SORBS2: variants seen among roughly 807,000 people sequenced by gnomAD.
SORBS2 encodes the protein sorbin and SH3 domain containing 2, also known as sorbin and SH3 domain-containing protein 2.
In SORBS2, 46 loss-of-function variants were observed where a neutral mutation model predicts 97.7. That is an observed-to-expected ratio of 0.47 (90% CI 0.37 to 0.60). The LOEUF (loss-of-function observed/expected upper bound fraction) is 0.60, where lower values mean the gene tolerates loss of function less well. Ranked by LOEUF, SORBS2 falls within the 20% of genes least tolerant of loss-of-function variation. The pLI is 0.00. For missense variants in SORBS2, 1,316 were observed against 1,282.3 expected (o/e 1.03, Z -0.40); for synonymous variants, 476 against 473.4 (o/e 1.01, Z -0.07).
chr4:185,745,825 T>G lies in SORBS2; in HGVS notation c.-198+29402A>C, dbSNP rs186042401. 1.5e-3 allele frequency among the ~76,000 whole-genome samples: 234 copies of G among 152,328 alleles called. 1 individual carries two copies. Among genetic ancestry groups the G allele is most frequent in the Non-Finnish European group, 2.6e-3 (178 of 68,036 alleles). ...TGGGGAGGAAAGCCTGTGTGACTGA[T>G]CGCTGCAGTGACTGCTCTTGGCCAT... is the stretch of plus-strand genomic sequence containing the variant. On this transcript the variant is annotated intron_variant, in intron 2 of 20. Coordinates refer to the SORBS2 transcript ENST00000284776.
intron 1 of SORBS2, among the ~76,000 whole-genome samples, chr4:185,840,887 G>A (rs1020311565): frequency 6.6e-6 from 1 of 152,102 alleles, no homozygotes. Context: ...TCACCAAGGA[G>A]AGATGCTCCA....
intron 1 of SORBS2, among the ~76,000 whole-genome samples, chr4:185,899,458 G>T (rs62335059): frequency 0.12 from 18,639 of 151,970 alleles, 1,485 homozygotes; most frequent in Non-Finnish European, 0.18. Flanking sequence ...AAGAGACAGG[G>T]TCTCACTCTT....
intron 4 of SORBS2, among the ~76,000 whole-genome samples, chr4:185,632,729 G>A (rs1391504328): frequency 2.6e-5 from 4 of 152,146 alleles, no homozygotes; most frequent in African/African-American, 4.8e-5. Context: ...AACTTATAAT[G>A]AGCCTAAACA....
At chr4:185,816,945 G>T (rs2153669500) in intron 1 of SORBS2, among the ~76,000 whole-genome samples, 1 of 152,292 alleles carries the variant, frequency 6.6e-6, no homozygotes, top group East Asian at 1.9e-4. Context: ...GAACCCCCTA[G>T]AAATTCTGTA....
At chr4:185,720,923 GCT>G (rs1329322963) in intron 2 of SORBS2, among the ~76,000 whole-genome samples, 10 of 151,956 alleles carry the variant, frequency 6.6e-5, no homozygotes, top group Non-Finnish European at 1.2e-4. Flanking sequence ...TAGGCCCATC[GCT>G]CTGTCTCCCT....
chr4:185,810,494 T>G (rs2099175503), intron 1 of SORBS2, among the ~76,000 whole-genome samples: 1 of 152,230 alleles, frequency 6.6e-6, no homozygotes, highest in South Asian at 2.1e-4. Context: ...TTCCATCTTT[T>G]GTAGATAGGG....
At chr4:185,829,504 AAG>A (rs1376011609) in intron 1 of SORBS2, among the ~76,000 whole-genome samples, 5 of 152,210 alleles carry the variant, frequency 3.3e-5, no homozygotes, top group African/African-American at 4.8e-5. Flanking sequence ...GAAAGTAGAA[AAG>A]AGAGAAAGAA....
intron 4 of SORBS2, among the ~76,000 whole-genome samples, chr4:185,668,478 A>C: frequency 6.6e-6 from 1 of 152,228 alleles, no homozygotes; most frequent in East Asian, 1.9e-4. Flanking sequence ...ATCACACTTA[A>C]ATTTCTACAG....
At chr4:185,741,158 T>A (rs1415025415) in intron 2 of SORBS2, among the ~76,000 whole-genome samples, 1 of 152,012 alleles carries the variant, frequency 6.6e-6, no homozygotes, top group Non-Finnish European at 1.5e-5. Flanking sequence ...TAAATATGAC[T>A]CTGTCTATGA....
At chr4:185,688,276 G>A (rs1236243005) in intron 2 of SORBS2, among the ~76,000 whole-genome samples, 2 of 151,980 alleles carry the variant, frequency 1.3e-5, no homozygotes. Context: ...TTAAAAGAAT[G>A]CTTTTTAGCC....
intron 1 of SORBS2, among the ~76,000 whole-genome samples, chr4:185,941,048 C>T (rs1467138413): frequency 1.3e-5 from 2 of 152,150 alleles, no homozygotes; most frequent in Non-Finnish European, 2.9e-5. Context: ...CCACAAATGT[C>T]AGTAGGATTA....
At chr4:185,643,017 A>G (rs988304154) in intron 4 of SORBS2, among the ~76,000 whole-genome samples, 2 of 152,270 alleles carry the variant, frequency 1.3e-5, no homozygotes, top group African/African-American at 4.8e-5. Flanking sequence ...ACGAATGCAT[A>G]TTCACTGAAC....
chr4:185,661,045 C>G (rs1197481703), upstream of SORBS2, among the ~76,000 whole-genome samples: 1 of 152,052 alleles, frequency 6.6e-6, no homozygotes, highest in Non-Finnish European at 1.5e-5. Flanking sequence ...GAGGTCGAGG[C>G]AGGTGGATCA....
chr4:185,888,327 G>C (rs911880026), intron 1 of SORBS2, among the ~76,000 whole-genome samples: 19 of 152,100 alleles, frequency 1.2e-4, no homozygotes, highest in Non-Finnish European at 2.1e-4. Context: ...GAGGGGTGGT[G>C]GGGGGTTGGA....
In SORBS2 at chr4:185,623,729, G is replaced by T; in HGVS notation, c.1400C>A (p.Pro467His). The change falls in exon 7 of 15, where the codon CCC (proline) becomes CAC (histidine). Residue 467 changes from proline to histidine, a missense_variant. Physicochemically the swap from Pro to His is moderately conservative, Grantham distance 77 (BLOSUM62 -2). Coordinates refer to ENST00000418609, the Ensembl canonical transcript of SORBS2. The surrounding 1 kb of genome is among the most constrained non-coding windows in gnomAD (Gnocchi z 6.4). ...GCAGCCTCGCCGGCCCCGAGCGGGG[G>T]GGCCGCTTTGATTTTCTTCCTCCAG... The T allele has an allele frequency of 6.2e-7, 1 of 1,614,050 alleles. No individual in the cohort carries two copies. Among genetic ancestry groups the T allele is most frequent in the Non-Finnish European group, 8.5e-7 (1 of 1,180,030 alleles).
exon 3 of SORBS2, chr4:185,649,656 C>T: frequency 7.3e-7 from 1 of 1,372,972 alleles, no homozygotes; most frequent in Non-Finnish European, 9.5e-7. Context: ...GTTGTACAGA[C>T]CTATCATGAC....
At chr4:185,691,177 G>A (rs1197406345) in intron 2 of SORBS2, among the ~76,000 whole-genome samples, 3 of 152,122 alleles carry the variant, frequency 2.0e-5, no homozygotes, top group Non-Finnish European at 2.9e-5. Context: ...TGGGATTACA[G>A]GCGTGAGCCA....
chr4:185,809,482 A>AAAAAAC (rs1561170208), intron 1 of SORBS2, among the ~76,000 whole-genome samples: 11 of 148,004 alleles, frequency 7.4e-5, no homozygotes, highest in East Asian at 2.0e-4. Context: ...AAAAAAAAAA[A>AAAAAAC]TCTGATATAG....
chr4:185,636,022 C>T (rs1405592597), intron 4 of SORBS2, among the ~76,000 whole-genome samples: 1 of 152,078 alleles, frequency 6.6e-6, no homozygotes, highest in Non-Finnish European at 1.5e-5. Flanking sequence ...CCATGCCCAG[C>T]TAATTTTTGT....
Sources: gnomAD v4.1 joint callset for allele counts (sites outside exome capture counted in the v4.1 genomes callset) on GRCh38, gnomAD v4.1.1 for gene constraint, Gnocchi (gnomAD v3.1) non-coding constraint, MANE v1.5 for transcripts, NCBI Gene and HGNC (gene_info 2026-07-23, HGNC 2026-07-21) for gene names.